Variants in IL16 observed in about 807,000 individuals in gnomAD.
The protein encoded by IL16 is pro-interleukin-16.
A neutral mutation model predicts 110.1 loss-of-function variants in IL16; 67 were observed. That is an observed-to-expected ratio of 0.61 (90% CI 0.50 to 0.75). The LOEUF (loss-of-function observed/expected upper bound fraction) is 0.75, where lower values mean the gene tolerates loss of function less well. Ranked by LOEUF, IL16 falls within the 30% of genes least tolerant of loss-of-function variation. The pLI is 0.00. For synonymous variants in IL16, 689 were observed against 662.9 expected (o/e 1.04, Z -0.61); for missense variants, 1,545 against 1,655.0 (o/e 0.93, Z 1.15).
chr15:81,184,402 G>A (rs1895388323), intron 1 of IL16, among the ~76,000 whole-genome samples: 1 of 152,194 alleles, frequency 6.6e-6, no homozygotes, highest in Non-Finnish European at 1.5e-5. Flanking sequence ...GAGAAGTTGG[G>A]CTGTGATGCA....
intron 3 of IL16, 124 bp from the exon 4 acceptor site, chr15:81,265,535 A>T: frequency 9.8e-7 from 1 of 1,016,952 alleles, no homozygotes; most frequent in Non-Finnish European, 1.4e-6. Flanking sequence ...CACCTGGCAC[A>T]GGGTGTTAAG....
At chr15:81,188,942 G>A (rs1054128609) in intron 1 of IL16, among the ~76,000 whole-genome samples, 1 of 151,924 alleles carries the variant, frequency 6.6e-6, no homozygotes, top group Non-Finnish European at 1.5e-5. Flanking sequence ...GGAGTGCTTT[G>A]GGAGGACAGA....
chr15:81,243,164 T>TATATATACATATATATATATATATATA (rs60077602), intron 2 of IL16, among the ~76,000 whole-genome samples: 1 of 15,764 alleles, frequency 6.3e-5, no homozygotes, highest in Non-Finnish European at 1.1e-4. Context: ...TATATATATA[T>TATATATACATATATATATATATATATA]TTTTTTTTTT....
Position 81,247,076 on chromosome 15 carries a change from C to CTTTTTTTTTTTTT in IL16, c.313-12688_313-12676dup, listed in dbSNP as rs57484982. Among the ~76,000 whole-genome samples the CTTTTTTTTTTTTT allele has an allele frequency of 1.2e-3, 109 of 92,604 alleles. 2 individuals carry two copies. Among genetic ancestry groups the CTTTTTTTTTTTTT allele is most frequent in the East Asian group, 1.6e-3 (6 of 3,670 alleles). 60.8% of individuals were successfully genotyped at this position (92,604 alleles called of 152,430 possible). On this transcript the variant is annotated intron_variant, in intron 2 of 18. Transcript: ENST00000683961. ...TTTGTGTTTTCTTTCTTTTCTTTTC[C>CTTTTTTTTTTTTT]TTTTTTTTTTTTTTTTTTTTGATCT...
At chr15:81,285,517 G>A (rs1899405509) in intron 9 of IL16, among the ~76,000 whole-genome samples, 181 bp from the exon 10 acceptor site, 2 of 152,156 alleles carry the variant, frequency 1.3e-5, no homozygotes, top group Non-Finnish European at 2.9e-5. Context: ...AGGGGGTATG[G>A]GATATGCTAC....
intron 12 of IL16, 87 bp downstream of exon 12, chr15:81,293,124 G>T: frequency 7.1e-7 from 1 of 1,411,212 alleles, no homozygotes; most frequent in South Asian, 1.4e-5. Flanking sequence ...GTGTTAGCAG[G>T]GCCAGAATGA....
rs1899413536 is a variant in IL16, at chr15:81,285,681, T to C, written c.1200-17T>C. On this transcript the variant is annotated splice_polypyrimidine_tract_variant and intron_variant, in intron 9 of 18. Coordinates refer to ENST00000683961, the MANE Select transcript of IL16 (RefSeq NM_172217.5). ...ATTGATTCACTTACTGATGGCTTCTTATTGATGCTTGCACAGGTGTGGGGA... is the reference window on the plus strand; with the variant it reads ...ATTGATTCACTTACTGATGGCTTCTCATTGATGCTTGCACAGGTGTGGGGA... The C allele has an allele frequency of 6.2e-7, 1 of 1,613,476 alleles. No individual in the cohort carries two copies. Among genetic ancestry groups the C allele is most frequent in the South Asian group, 1.1e-5 (1 of 90,980 alleles).
intron 1 of IL16, among the ~76,000 whole-genome samples, chr15:81,205,402 G>A (rs1030825666): frequency 6.6e-6 from 1 of 151,992 alleles, no homozygotes; most frequent in African/African-American, 2.4e-5. Flanking sequence ...CTCACCTCTT[G>A]CATAGGGAAG....
intron 1 of IL16, among the ~76,000 whole-genome samples, chr15:81,218,632 A>G (rs995843439): frequency 3.3e-5 from 5 of 152,086 alleles, no homozygotes; most frequent in African/African-American, 9.7e-5. Context: ...GAAAGGAAAG[A>G]CTCCTTGTAA....
chr15:81,199,831 A>T (rs1895744961), intron 1 of IL16, among the ~76,000 whole-genome samples: 1 of 152,208 alleles, frequency 6.6e-6, no homozygotes, highest in Admixed American at 6.5e-5. Context: ...CCAACGAGGA[A>T]TTTCAGAACT....
intron 1 of IL16, among the ~76,000 whole-genome samples, chr15:81,198,010 C>T (rs1467112812): frequency 1.3e-5 from 2 of 152,108 alleles, no homozygotes; most frequent in South Asian, 2.1e-4. Context: ...AGGAGAAGAC[C>T]GTTCAGCCTT....
intron 2 of IL16, among the ~76,000 whole-genome samples, chr15:81,233,052 C>A (rs150591445): frequency 2.0e-5 from 3 of 152,070 alleles, no homozygotes; most frequent in Non-Finnish European, 2.9e-5. Flanking sequence ...TAGGACTATA[C>A]AAATTTTCAA....
intron 1 of IL16, 106 bp from the exon 2 acceptor site, chr15:81,225,193 T>C: frequency 1.1e-6 from 1 of 890,018 alleles, no homozygotes; most frequent in Non-Finnish European, 1.7e-6. Context: ...CCATCTGTCC[T>C]GCTTCACGGG....
At position 81,273,149 on chromosome 15, in the gene IL16, C is replaced by G; in HGVS notation, c.735C>G (p.Tyr245Ter). Residue 245 changes from tyrosine (Y) to a stop codon, truncating the protein, a stop_gained, in exon 6 of 19, where the codon TAC becomes TAG. Coordinates refer to ENST00000683961, the MANE Select transcript of IL16 (RefSeq NM_172217.5). LOFTEE classifies it high-confidence loss of function. ...KDSIYGPIGI[Y>*]VKTIFAGGAA... The stretch of plus-strand genomic sequence containing the variant: ...GCATTTATGGCCCCATTGGGATTTA[C>G]GTCAAAACCATTTTTGCAGGGGGAG... 1 of 1,613,642 alleles carries G rather than the reference C, an allele frequency of 6.2e-7. No individual in the cohort carries two copies. The highest frequency in any genetic ancestry group is 8.5e-7 in the Non-Finnish European group (1 of 1,179,738).
At chr15:81,235,662 A>G (rs770215014) in intron 2 of IL16, among the ~76,000 whole-genome samples, 19 of 152,342 alleles carry the variant, frequency 1.2e-4, no homozygotes, top group Non-Finnish European at 2.6e-4. Context: ...GAATGTGAGC[A>G]GGTCACAAAG....
chr15:81,290,207 T>C (rs1014658029), intron 10 of IL16, among the ~76,000 whole-genome samples: 1 of 152,158 alleles, frequency 6.6e-6, no homozygotes, highest in Non-Finnish European at 1.5e-5. Context: ...GGGGAGAAGG[T>C]TGGAGAGTTG....
chr15:81,303,014 A>AGTGTGTGTGTGTGTGT lies in IL16; in HGVS notation c.3319-535_3319-534insGTGTGTGTGTGTGTGT, dbSNP rs1567046877. 1.4e-5 allele frequency among the ~76,000 whole-genome samples: 1 copy of AGTGTGTGTGTGTGTGT among 70,298 alleles called. No homozygotes were observed. Among genetic ancestry groups the AGTGTGTGTGTGTGTGT allele is most frequent in the African/African-American group, 5.1e-5 (1 of 19,730 alleles). 46.1% of individuals were successfully genotyped at this position (70,298 alleles called of 152,430 possible). ...CGTCTAGGCTAGGAAGTACCGTAGT[A>AGTGTGTGTGTGTGTGT]ATGTGTGTGTGTGTGTGTGTGTGTG... On this transcript the variant is annotated intron_variant, in intron 15 of 18. Coordinates refer to ENST00000683961, the MANE Select transcript of IL16 (RefSeq NM_172217.5). The surrounding 1 kb of genome is among the most constrained non-coding windows in gnomAD (Gnocchi z 4.1).
chr15:81,265,673 T>C lies in IL16; in HGVS notation c.436T>C (p.Cys146Arg). Residue 146 changes from cysteine to arginine, a missense_variant, in exon 4 of 19, where the codon TGC becomes CGC. Cys to Arg is a radical substitution (Grantham distance 180). This residue lies in a region of IL16 where 1,185 missense variants were observed against 1,238.8 expected (regional missense o/e 0.96). Transcript: ENST00000683961. ...TTCTGGTTTAGGTGTTAATCCCTATTGCACAAGAGAAATTGATTTTCCAAT... is the reference window on the plus strand; with the variant it reads ...TTCTGGTTTAGGTGTTAATCCCTATCGCACAAGAGAAATTGATTTTCCAAT... ...RSNSTSVNPYCTREIDFPMTK... is the reference protein window; with the variant it reads ...RSNSTSVNPYRTREIDFPMTK... 6.2e-7 allele frequency: 1 copy of C among 1,614,166 alleles called. No individual in the cohort carries two copies. Among genetic ancestry groups the C allele is most frequent in the Middle Eastern group, 1.6e-4 (1 of 6,062 alleles).
chr15:81,290,246 G>A (rs1349860829), intron 10 of IL16, among the ~76,000 whole-genome samples: 1 of 152,206 alleles, frequency 6.6e-6, no homozygotes, highest in East Asian at 1.9e-4. Context: ...CCCCTGCATT[G>A]ATAGACTTTG....
Sources: gnomAD v4.1 joint callset for allele counts (sites outside exome capture counted in the v4.1 genomes callset) on GRCh38, gnomAD v4.1.1 for gene constraint, gnomAD v4.1.1 regional missense constraint, Gnocchi (gnomAD v3.1) non-coding constraint, MANE v1.5 for transcripts, NCBI Gene and HGNC (gene_info 2026-07-23, HGNC 2026-07-21) for gene names.